Variants in ARPC1A observed in about 807,000 individuals in gnomAD.
The protein encoded by ARPC1A is actin-related protein 2/3 complex subunit 1A.
In ARPC1A, 8 loss-of-function variants were observed where a neutral mutation model predicts 46.9. That is an observed-to-expected ratio of 0.17 (90% confidence interval 0.10 to 0.31). ARPC1A has a LOEUF of 0.31. ARPC1A is among the 10% of genes least tolerant of loss of function. The pLI, the probability that ARPC1A is intolerant of heterozygous loss-of-function variation, is 1.00. For missense variants in ARPC1A, 286 were observed against 483.6 expected, an observed-to-expected ratio of 0.59 and a Z score of 3.83; for synonymous variants, 152 against 169.0, an observed-to-expected ratio of 0.90 and a Z score of 0.78.
intron 1 of ARPC1A, among the ~76,000 whole-genome samples, chr7:99,332,172 T>C (rs1793153674): frequency 6.6e-6 from 1 of 152,234 alleles, no homozygotes; most frequent in Admixed American, 6.5e-5. Flanking sequence ...TAAATATGTT[T>C]GGCATAGAGA....
At chr7:99,357,193 C>A (rs1445159133) in intron 6 of ARPC1A, among the ~76,000 whole-genome samples, 4 of 152,098 alleles carry the variant, frequency 2.6e-5, no homozygotes, top group African/African-American at 9.7e-5. Context: ...TTTCCCTTTT[C>A]CAGTCCTGCA....
chr7:99,327,669 C>G (rs1380521269), intron 1 of ARPC1A, among the ~76,000 whole-genome samples: 2 of 152,054 alleles, frequency 1.3e-5, no homozygotes, highest in African/African-American at 4.8e-5. Context: ...TTCTGGAGTT[C>G]ATCTGTTAAT....
intron 9 of ARPC1A, among the ~76,000 whole-genome samples, chr7:99,365,034 G>C (rs1195005332): frequency 6.6e-6 from 1 of 152,152 alleles, no homozygotes; most frequent in Non-Finnish European, 1.5e-5. Flanking sequence ...GAAGACACAG[G>C]CGAGCATCCT....
chr7:99,358,535 ACTTT>A, intron 7 of ARPC1A, 120 bp downstream of exon 7: 1 of 516,454 alleles, frequency 1.9e-6, no homozygotes, highest in Non-Finnish European at 3.0e-6. Flanking sequence ...AACAGAGCTC[ACTTT>A]TTTTTTTTTT....
At position 99,333,379 on chromosome 7, in the gene ARPC1A, A is replaced by G. The variant is rs1303163511; in HGVS notation, c.26A>G (p.Glu9Gly). The change falls in exon 2 of 10, where the codon GAG becomes GGG. Residue 9 changes from glutamate (E) to glycine (G), a missense_variant. Coordinates refer to ENST00000262942, the MANE Select transcript of ARPC1A (RefSeq NM_006409.4). MSLHQFLL[E>G]PITCHAWNRD... Reference sequence around the variant, plus strand: ...ATGTCACTGCATCAGTTTTTACTAGAGCCAATCACCTGTCATGCCTGGAAC... The same window carrying G: ...ATGTCACTGCATCAGTTTTTACTAGGGCCAATCACCTGTCATGCCTGGAAC... 6.2e-7 allele frequency: 1 copy of G among 1,613,876 alleles called. No homozygotes were observed. The highest frequency in any genetic ancestry group is 1.7e-5 in the Admixed American group (1 of 59,968).
intron 9 of ARPC1A, among the ~76,000 whole-genome samples, chr7:99,365,550 GC>G (rs1421899241): frequency 6.6e-6 from 1 of 151,930 alleles, no homozygotes; most frequent in Non-Finnish European, 1.5e-5. Flanking sequence ...GGAGTTGGAG[GC>G]TGCAGTGAGC....
chr7:99,337,106 T>C (rs1341787556), intron 2 of ARPC1A, among the ~76,000 whole-genome samples: 1 of 152,064 alleles, frequency 6.6e-6, no homozygotes, highest in Admixed American at 6.6e-5. Context: ...ATTTGCATAA[T>C]ATATACGATT....
intron 2 of ARPC1A, among the ~76,000 whole-genome samples, chr7:99,334,517 A>G (rs531803135): frequency 6.6e-6 from 1 of 152,302 alleles, no homozygotes; most frequent in East Asian, 1.9e-4. Context: ...GATCACAACA[A>G]TGTGTGCCTA....
chr7:99,349,056 G>A, intron 5 of ARPC1A, 97 bp downstream of exon 5: 2 of 1,282,682 alleles, frequency 1.6e-6, no homozygotes, highest in East Asian at 5.0e-5. Flanking sequence ...GTTTTGTTGT[G>A]GTTGTTGTTG....
At chr7:99,340,728 C>G (rs1289510824) in intron 3 of ARPC1A, among the ~76,000 whole-genome samples, 1 of 152,186 alleles carries the variant, frequency 6.6e-6, no homozygotes, top group Non-Finnish European at 1.5e-5. Context: ...GATATCCTTA[C>G]CCAAATGAGA....
At chr7:99,354,520 C>CA (rs149604532) in intron 6 of ARPC1A, among the ~76,000 whole-genome samples, 5,102 of 54,870 alleles carry the variant, frequency 0.093, 305 homozygotes, top group East Asian at 0.4. Flanking sequence ...GACTCCGTCT[C>CA]AAAAAAAAAA....
At chr7:99,334,132 G>A (rs1050067133) in intron 2 of ARPC1A, among the ~76,000 whole-genome samples, 5 of 151,256 alleles carry the variant, frequency 3.3e-5, no homozygotes, top group Admixed American at 1.3e-4. Flanking sequence ...AGACCGAGGC[G>A]GGCAGATCAT....
At chr7:99,362,621 C>A (rs1029114033) in intron 8 of ARPC1A, among the ~76,000 whole-genome samples, 1 of 150,704 alleles carries the variant, frequency 6.6e-6, no homozygotes, top group Non-Finnish European at 1.5e-5. Context: ...GGATTACAGG[C>A]GTGAGCCACT....
intron 1 of ARPC1A, among the ~76,000 whole-genome samples, chr7:99,330,175 A>C (rs1463971929): frequency 2.6e-5 from 4 of 152,214 alleles, no homozygotes; most frequent in Non-Finnish European, 5.9e-5. Context: ...TCGACTGTAT[A>C]AAAGAAAAAA....
chr7:99,359,705 C>T lies in ARPC1A; in HGVS notation c.950C>T (p.Thr317Met), dbSNP rs767015647. The change falls in exon 8 of 10, where the codon ACG becomes ATG. Residue 317 changes from threonine (T) to methionine (M), a missense_variant. Physicochemically the swap from Thr to Met is moderately conservative, Grantham distance 81. Coordinates refer to ENST00000262942, the MANE Select transcript of ARPC1A (RefSeq NM_006409.4). The stretch of plus-strand genomic sequence containing the variant: ...AGAGCCACAACTGAGGACCGCAACA[C>T]GGCCTTGGAGACGCTGCACCAGAAT... ...DKRATTEDRN[T>M]ALETLHQNSI... is the part of the protein sequence containing the mutation. 19 of 1,614,036 alleles carry T rather than the reference C, an allele frequency of 1.2e-5. No individual in the cohort carries two copies. The highest frequency in any genetic ancestry group is 1.6e-4 in the Middle Eastern group (1 of 6,084).
chr7:99,360,099 G>A (rs1219357567), intron 8 of ARPC1A: 4 of 326,788 alleles, frequency 1.2e-5, no homozygotes, highest in Non-Finnish European at 2.4e-5. Flanking sequence ...TGAATGCTGC[G>A]TTCCCACAGT....
chr7:99,362,204 G>A (rs1793753837), intron 8 of ARPC1A, among the ~76,000 whole-genome samples: 1 of 151,748 alleles, frequency 6.6e-6, no homozygotes, highest in Admixed American at 6.6e-5. Flanking sequence ...TGAGGCAGGA[G>A]AATCGCTTGA....
At chr7:99,342,127 C>T (rs1584378562) in intron 3 of ARPC1A, among the ~76,000 whole-genome samples, 1 of 152,166 alleles carries the variant, frequency 6.6e-6, no homozygotes. Context: ...CTGCATTCCA[C>T]GATTATCGAG....
chr7:99,330,466 C>T (rs1562795226), intron 1 of ARPC1A, among the ~76,000 whole-genome samples: 1 of 152,178 alleles, frequency 6.6e-6, no homozygotes, highest in East Asian at 1.9e-4. Flanking sequence ...AGGTGCCTGC[C>T]ACCATGCCCG....
Sources: allele counts gnomAD v4.1 joint callset (sites outside exome capture counted in the v4.1 genomes callset), GRCh38; gene constraint gnomAD v4.1.1; transcripts MANE v1.5; gene names NCBI Gene and HGNC (gene_info 2026-07-23, HGNC 2026-07-21).